The following CLDN11 variants were observed in gnomAD, a reference collection of about 807,000 sequenced individuals.
CLDN11 encodes claudin-11.
CLDN11 carries 1 observed loss-of-function variant against 18.0 expected under a neutral mutation model. The ratio of observed to expected loss-of-function variants is 0.06; its 90% CI spans 0.02 to 0.26. The LOEUF (loss-of-function observed/expected upper bound fraction) is 0.26. CLDN11 is among the 10% of genes least tolerant of loss of function. The pLI, the probability that CLDN11 is intolerant of heterozygous loss-of-function variation, is 1.00. For missense variants in CLDN11, 172 were observed against 276.6 expected (o/e 0.62, Z 2.68); for synonymous variants, 116 against 121.5 (o/e 0.96, Z 0.30).
intron 2 of CLDN11, among the ~76,000 whole-genome samples, chr3:170,429,196 T>G (rs1400295913): frequency 1.3e-5 from 2 of 152,230 alleles, no homozygotes; most frequent in African/African-American, 4.8e-5. Context: ...CAATTGAAGG[T>G]CACTGTTTTC....
rs934242701 is a variant in CLDN11, at chr3:170,433,983, CG to C, written c.*1230del. The C allele has an allele frequency of 6.6e-6, 1 of 152,504 alleles. No homozygotes were observed. The highest frequency in any genetic ancestry group is 1.5e-5 in the Non-Finnish European group (1 of 68,028). The allele number at this position is 152,504 out of a possible 1,614,324, so 9.4% of individuals were successfully genotyped here. ...AATTGTACTGTTGAATTTGGCTTTA[CG>C]GGTGTAAACACTGATGGTATATCAG... On this transcript the variant is annotated 3_prime_UTR_variant, in exon 3 of 3. Coordinates refer to ENST00000064724, the MANE Select transcript of CLDN11 (RefSeq NM_005602.6).
Position 170,423,156 on chromosome 3 carries a change from T to C in CLDN11, c.227-7T>C. 1 of 1,614,208 alleles carries C rather than the reference T, an allele frequency of 6.2e-7. No homozygotes were observed. The highest frequency in any genetic ancestry group is 1.1e-5 in the South Asian group (1 of 91,080). On this transcript the variant is annotated splice_region_variant and splice_polypyrimidine_tract_variant and intron_variant, in intron 1 of 2. Coordinates refer to ENST00000064724, the MANE Select transcript of CLDN11 (RefSeq NM_005602.6). The stretch of plus-strand genomic sequence containing the variant: ...CTAACCTTTCCCATCTGCTCTCTTG[T>C]TCCCAGGCTACGTGCAGGCCTGCCG...
intron 1 of CLDN11, among the ~76,000 whole-genome samples, chr3:170,422,620 G>T (rs187071189): frequency 1.3e-5 from 2 of 152,126 alleles, no homozygotes; most frequent in Middle Eastern, 3.4e-3. Flanking sequence ...ATGGGGTTTC[G>T]CCCTGTTGGC....
In CLDN11 at chr3:170,428,527, C is replaced by T. The variant is rs930830797; in HGVS notation, c.392-3997C>T. 1.2e-4 allele frequency among the ~76,000 whole-genome samples: 18 copies of T among 152,332 alleles called. No homozygotes were observed. In the East Asian group the frequency reaches 3.1e-3, roughly 26 times the overall value. On this transcript the variant is annotated intron_variant, in intron 2 of 2. Transcript: ENST00000064724. ...GCAAACAATTTTATTCTTTGAAGAGCAAGGAATTCTGCTTATGAGAGGACC... is the reference window on the plus strand; with the variant it reads ...GCAAACAATTTTATTCTTTGAAGAGTAAGGAATTCTGCTTATGAGAGGACC...
chr3:170,425,752 G>A (rs1309745184), intron 2 of CLDN11, among the ~76,000 whole-genome samples: 1 of 152,104 alleles, frequency 6.6e-6, no homozygotes, highest in Non-Finnish European at 1.5e-5. Flanking sequence ...GCCCTTTTAC[G>A]GCCTTGCATT....
chr3:170,423,384 T>A, intron 2 of CLDN11, 57 bp downstream of exon 2: 1 of 1,581,564 alleles, frequency 6.3e-7, no homozygotes, highest in South Asian at 1.1e-5. Flanking sequence ...GAATCTCAGA[T>A]CTTGTGGTTG....
rs747725849 is a variant in CLDN11, at chr3:170,424,916, GGTGT to G, written c.391+1611_391+1614del. Among the ~76,000 whole-genome samples the G allele has an allele frequency of 6.4e-4, 91 of 141,546 alleles. 1 individual carries two copies. Among genetic ancestry groups the G allele is most frequent in the East Asian group, 1.8e-3 (8 of 4,388 alleles). The allele number at this position is 141,546 out of a possible 152,430, so 92.9% of individuals were successfully genotyped here. On this transcript the variant is annotated intron_variant, in intron 2 of 2. Coordinates refer to ENST00000064724, the MANE Select transcript of CLDN11 (RefSeq NM_005602.6). ...TTGCAGGTTCTTGTGAAGCCACAAGGGTGTGTGTGTGTGTGTGTGTGTGTGCGCG... is the reference window on the plus strand; with the variant it reads ...TTGCAGGTTCTTGTGAAGCCACAAGGGTGTGTGTGTGTGTGTGTGTGCGCG...
rs1307597282 is a variant in CLDN11, at chr3:170,434,511, C to T, written c.*1755C>T. 1.3e-5 allele frequency among the ~76,000 whole-genome samples: 2 copies of T among 152,200 alleles called. No homozygotes were observed. The highest frequency in any genetic ancestry group is 2.4e-5 in the African/African-American group (1 of 41,452). ...TAAGTAATAATATCTAAATACATTT[C>T]GTTCAAACATACATATGTAGCTGTT... On this transcript the variant is annotated 3_prime_UTR_variant, in exon 3 of 3. Transcript: ENST00000064724.
rs769909679 is a variant in CLDN11 at position 170,432,698 on chromosome 3, G to A, written c.566G>A (p.Arg189His). Residue 189 changes from arginine to histidine, a missense_variant, in exon 3 of 3, where the codon CGT (arginine) becomes CAT (histidine). Transcript: ENST00000064724. The part of the protein sequence containing the change: ...AGDAQAFGEN[R>H]FYYTAGSSSP... ...GATGCCCAGGCCTTTGGTGAAAACCGTTTCTACTACACTGCGGGCTCTAGC... is the reference window on the plus strand; with the variant it reads ...GATGCCCAGGCCTTTGGTGAAAACCATTTCTACTACACTGCGGGCTCTAGC... 9 of 1,614,092 alleles carry A rather than the reference G, an allele frequency of 5.6e-6. No homozygotes were observed. The South Asian group carries it at 7.7e-5, about 14-fold the overall frequency.
intron 2 of CLDN11, among the ~76,000 whole-genome samples, chr3:170,429,094 T>C (rs1264321931): frequency 6.6e-6 from 1 of 152,240 alleles, no homozygotes; most frequent in Non-Finnish European, 1.5e-5. Flanking sequence ...TTAACTTTAC[T>C]GGTCAAAACA....
intron 2 of CLDN11, among the ~76,000 whole-genome samples, chr3:170,424,827 C>T (rs1738807507): frequency 6.6e-6 from 1 of 152,044 alleles, no homozygotes; most frequent in Admixed American, 6.5e-5. Flanking sequence ...CATAATGACA[C>T]CAGTAAGGTG....
intron 1 of CLDN11, among the ~76,000 whole-genome samples, chr3:170,420,245 C>T (rs1025717342): frequency 7.2e-5 from 11 of 152,254 alleles, no homozygotes; most frequent in Non-Finnish European, 1.5e-4. Flanking sequence ...AGGTCGCGGG[C>T]ACCCCCTTGG....
In CLDN11 at chr3:170,434,219, A is replaced by G. The variant is rs1031068591; in HGVS notation, c.*1463A>G. 1 of 152,650 alleles carries G rather than the reference A, an allele frequency of 6.6e-6. No homozygotes were observed. Among genetic ancestry groups the G allele is most frequent in the Non-Finnish European group, 1.5e-5 (1 of 68,048 alleles). 9.5% of individuals were successfully genotyped at this position (152,650 alleles called of 1,614,324 possible). On this transcript the variant is annotated 3_prime_UTR_variant, in exon 3 of 3. Transcript: ENST00000064724. Reference sequence around the variant, plus strand: ...GTGATTCAAGAACAAGTAATTCTGCATTGCCTTGAATAATTAAAAAGTTAT... The same window carrying G: ...GTGATTCAAGAACAAGTAATTCTGCGTTGCCTTGAATAATTAAAAAGTTAT...
Position 170,419,356 on chromosome 3 carries a change from A to G in CLDN11, c.226+64A>G, listed in dbSNP as rs117204526. ...TCCTCTGGGTAGAGAGCGGGATATT[A>G]GACGGCGTCACAGAGACATTTTGGG... On this transcript the variant is annotated intron_variant, in intron 1 of 2. Transcript: ENST00000064724. This position sits in a 1 kb window ranked among gnomAD's most constrained non-coding sequence, Gnocchi z 8.6. The G allele has an allele frequency of 5.2e-3, 6,430 of 1,230,062 alleles. 113 individuals are homozygous for G. Among genetic ancestry groups the G allele is most frequent in the East Asian group, 0.052 (2,015 of 38,788 alleles). The allele number at this position is 1,230,062 out of a possible 1,614,324, so 76.2% of individuals were successfully genotyped here. A position where few individuals can be genotyped will look rare whatever the true frequency, so the allele number is the denominator to read the frequency against.
chr3:170,426,121 C>T (rs962763806), intron 2 of CLDN11, among the ~76,000 whole-genome samples: 2 of 152,130 alleles, frequency 1.3e-5, no homozygotes, highest in African/African-American at 4.8e-5. Flanking sequence ...AGATGAGGCA[C>T]CTCCTGGGTT....
chr3:170,429,608 T>G (rs2108247888), intron 2 of CLDN11, among the ~76,000 whole-genome samples: 1 of 152,332 alleles, frequency 6.6e-6, no homozygotes, highest in East Asian at 1.9e-4. Context: ...TCCCTTTTTC[T>G]AATGATTTAT....
intron 2 of CLDN11, 145 bp downstream of exon 2, chr3:170,423,472 C>T (rs1387748798): frequency 1.4e-5 from 11 of 785,688 alleles, no homozygotes; most frequent in Non-Finnish European, 2.2e-5. Flanking sequence ...CAATCTGTAT[C>T]CCTTTGTATT....
In CLDN11 at chr3:170,433,734, A is replaced by G. The variant is rs1464188263; in HGVS notation, c.*978A>G. 2.0e-5 allele frequency: 3 copies of G among 152,766 alleles called. No individual in the cohort carries two copies. The highest frequency in any genetic ancestry group is 7.2e-5 in the African/African-American group (3 of 41,574). 9.5% of individuals were successfully genotyped at this position (152,766 alleles called of 1,614,324 possible). A position where few individuals can be genotyped will look rare whatever the true frequency, so the allele number is the denominator to read the frequency against. On this transcript the variant is annotated 3_prime_UTR_variant, in exon 3 of 3. Coordinates refer to ENST00000064724, the MANE Select transcript of CLDN11 (RefSeq NM_005602.6). ...GTTTTCCTGAAATCCTCAATTCATC[A>G]ATATGAAGGAAATGAACCACATAGA...
In CLDN11 at chr3:170,418,937, A is replaced by C. The variant is rs370409883; in HGVS notation, c.-130A>C. On this transcript the variant is annotated 5_prime_UTR_variant, in exon 1 of 3. Coordinates refer to ENST00000064724, the MANE Select transcript of CLDN11 (RefSeq NM_005602.6). This position sits in a 1 kb window ranked among gnomAD's most constrained non-coding sequence, Gnocchi z 4.3. ...GCCTCCGGCGCCCACCTCCACCTCC[A>C]GTGTCCCGCCTCGGGCCGTCGCCCT... The C allele has an allele frequency of 2.3e-5, 16 of 680,984 alleles. No homozygotes were observed. In the East Asian group the frequency reaches 3.1e-4, roughly 13 times the overall value. 42.2% of individuals were successfully genotyped at this position (680,984 alleles called of 1,614,324 possible). A position where few individuals can be genotyped will look rare whatever the true frequency, so the allele number is the denominator to read the frequency against.
Sources: gnomAD v4.1 joint callset for allele counts (sites outside exome capture counted in the v4.1 genomes callset) on GRCh38, gnomAD v4.1.1 for gene constraint, Gnocchi (gnomAD v3.1) non-coding constraint, MANE v1.5 for transcripts, NCBI Gene and HGNC (gene_info 2026-07-23, HGNC 2026-07-21) for gene names.